The following TMEM181 variants were observed in gnomAD, a reference collection of about 807,000 sequenced individuals.
The protein encoded by TMEM181 is G protein-coupled receptor 178.
In TMEM181, 39 loss-of-function variants were observed where a neutral mutation model predicts 71.9. That is an observed-to-expected ratio of 0.54 (90% CI 0.42 to 0.71). The LOEUF (loss-of-function observed/expected upper bound fraction) is 0.71, where lower values mean the gene tolerates loss of function less well. Ranked by LOEUF, TMEM181 falls within the 30% of genes least tolerant of loss-of-function variation. The pLI, the probability that TMEM181 is intolerant of heterozygous loss-of-function variation, is 0.00. For missense variants in TMEM181, 595 were observed against 583.0 expected, an observed-to-expected ratio of 1.02 and a Z score of -0.21; for synonymous variants, 245 against 228.8, an observed-to-expected ratio of 1.07 and a Z score of -0.64.
intron 1 of TMEM181, among the ~76,000 whole-genome samples, chr6:158,538,202 TG>T (rs1203547619): frequency 6.7e-6 from 1 of 149,126 alleles, no homozygotes; most frequent in African/African-American, 2.5e-5. Flanking sequence ...TCGCCCAGGC[TG>T]GAGTGCAGTG....
chr6:158,573,223 C>T (rs1021573162), intron 1 of TMEM181, among the ~76,000 whole-genome samples, 197 bp from the exon 2 acceptor site: 6 of 152,152 alleles, frequency 3.9e-5, no homozygotes, highest in African/African-American at 9.7e-5. Flanking sequence ...CGTGCAGGAA[C>T]GCGCAGCTCC....
chr6:158,548,759 A>T (rs1019843067), intron 1 of TMEM181, among the ~76,000 whole-genome samples: 4 of 152,210 alleles, frequency 2.6e-5, no homozygotes, highest in Non-Finnish European at 4.4e-5. Context: ...TCCTGGAAAG[A>T]GGAGGACGAA....
At chr6:158,629,386 G>A (rs929059644) in intron 14 of TMEM181, among the ~76,000 whole-genome samples, 3 of 152,092 alleles carry the variant, frequency 2.0e-5, no homozygotes, top group African/African-American at 7.2e-5. Context: ...TTGATTCACC[G>A]TATGCCCGTG....
At chr6:158,626,063 C>T (rs1045844082) in intron 13 of TMEM181, among the ~76,000 whole-genome samples, 1 of 152,232 alleles carries the variant, frequency 6.6e-6, no homozygotes, top group Non-Finnish European at 1.5e-5. Flanking sequence ...GAAGTAAGGG[C>T]ACTGGGGACC....
upstream of TMEM181, among the ~76,000 whole-genome samples, chr6:158,557,535 T>TATTTA (rs1266291687): frequency 3.8e-4 from 58 of 152,160 alleles, no homozygotes; most frequent in East Asian, 0.011. Flanking sequence ...TTTATTTATT[T>TATTTA]GAGACAGAGT....
At chr6:158,536,867 TG>T in intron 1 of TMEM181, 1 of 1,368,070 alleles carries the variant, frequency 7.3e-7, no homozygotes, top group Non-Finnish European at 9.5e-7. Flanking sequence ...CTACTACAGG[TG>T]GGCGCGGCGC....
chr6:158,629,115 G>A (rs887664498), intron 14 of TMEM181, among the ~76,000 whole-genome samples: 1 of 152,284 alleles, frequency 6.6e-6, no homozygotes, highest in South Asian at 2.1e-4. Context: ...CCCAGAAGTC[G>A]GAGAGGTTAG....
chr6:158,597,552 G>A (rs1459080743), intron 6 of TMEM181, among the ~76,000 whole-genome samples: 3 of 151,830 alleles, frequency 2.0e-5, no homozygotes, highest in Non-Finnish European at 4.4e-5. Flanking sequence ...TCAATCTAGA[G>A]TGCAGTGGCA....
intron 1 of TMEM181, among the ~76,000 whole-genome samples, chr6:158,554,904 T>G (rs1781831381): frequency 6.6e-6 from 1 of 152,236 alleles, no homozygotes; most frequent in Non-Finnish European, 1.5e-5. Flanking sequence ...CCCCGATAGG[T>G]AATCTAATGA....
chr6:158,555,133 G>A (rs1001340801), upstream of TMEM181, among the ~76,000 whole-genome samples: 1 of 152,152 alleles, frequency 6.6e-6, no homozygotes, highest in African/African-American at 2.4e-5. Flanking sequence ...GGTTTGCTTG[G>A]TTAATGTGAA....
chr6:158,574,502 C>T (rs1783052906), intron 2 of TMEM181, among the ~76,000 whole-genome samples: 1 of 152,164 alleles, frequency 6.6e-6, no homozygotes, highest in South Asian at 2.1e-4. Context: ...TCATGGTCTC[C>T]AGTCTCAGTG....
intron 2 of TMEM181, among the ~76,000 whole-genome samples, chr6:158,577,278 C>T (rs1428075589): frequency 6.6e-6 from 1 of 151,862 alleles, no homozygotes; most frequent in African/African-American, 2.4e-5. Context: ...AGATAGAAAA[C>T]CTAAAAGGAA....
chr6:158,543,007 C>T (rs947748573), intron 1 of TMEM181, among the ~76,000 whole-genome samples: 3 of 150,954 alleles, frequency 2.0e-5, no homozygotes, highest in Non-Finnish European at 4.4e-5. Flanking sequence ...TCCCGAGTAG[C>T]TGGGACTACA....
At chr6:158,551,866 TC>T (rs1467718829) in intron 1 of TMEM181, among the ~76,000 whole-genome samples, 2 of 152,178 alleles carry the variant, frequency 1.3e-5, no homozygotes, top group African/African-American at 2.4e-5. Context: ...CCTAATCATT[TC>T]CTATCACTAT....
At chr6:158,540,454 C>G (rs1781299816) in intron 1 of TMEM181, among the ~76,000 whole-genome samples, 2 of 152,190 alleles carry the variant, frequency 1.3e-5, no homozygotes, top group Admixed American at 1.3e-4. Context: ...TACTCCTAAA[C>G]TGGAAAGTAG....
At chr6:158,584,915 A>G (rs184998357) in intron 4 of TMEM181, among the ~76,000 whole-genome samples, 1 of 152,240 alleles carries the variant, frequency 6.6e-6, no homozygotes, top group African/African-American at 2.4e-5. Flanking sequence ...TAAAATGAGA[A>G]TATAATGAGA....
chr6:158,548,556 C>T (rs931357007), intron 1 of TMEM181, among the ~76,000 whole-genome samples: 32 of 152,202 alleles, frequency 2.1e-4, no homozygotes. Flanking sequence ...GGCAGGAATG[C>T]TCTCAGCTGC....
At chr6:158,581,867 CCAGA>C (rs1783503091) in intron 3 of TMEM181, among the ~76,000 whole-genome samples, 1 of 151,698 alleles carries the variant, frequency 6.6e-6, no homozygotes, top group East Asian at 1.9e-4. Flanking sequence ...CTGTGAGAGC[CCAGA>C]CAACTAAACC....
chr6:158,559,119 C>T (rs183498511), upstream of TMEM181, among the ~76,000 whole-genome samples: 210 of 152,038 alleles, frequency 1.4e-3, no homozygotes, highest in African/African-American at 4.8e-3. Flanking sequence ...TTTTAACCCC[C>T]CTCTTCCTAA....
Sources: gnomAD v4.1 joint callset for allele counts (sites outside exome capture counted in the v4.1 genomes callset) on GRCh38, gnomAD v4.1.1 for gene constraint, MANE v1.5 for transcripts, NCBI Gene and HGNC (gene_info 2026-07-23, HGNC 2026-07-21) for gene names.